COA1: variants seen among roughly 807,000 people sequenced by gnomAD.
The protein encoded by COA1 is cytochrome c oxidase assembly factor 1 homolog.
Under a neutral mutation model 16.0 loss-of-function variants are expected in COA1, and 13 were observed. The ratio of observed to expected loss-of-function variants is 0.81; its 90% CI spans 0.53 to 1.29. COA1 has a LOEUF of 1.29. COA1 is among the 50% of genes most tolerant of loss of function. The pLI is 0.00. For missense variants in COA1, 179 were observed against 177.0 expected (o/e 1.01, Z -0.06); for synonymous variants, 65 against 65.7 (o/e 0.99, Z 0.05).
Position 43,679,314 on chromosome 7 carries a change from C to CA in COA1, c.-38-30663dup, listed in dbSNP as rs796633910. Among the ~76,000 whole-genome samples, 461 of 129,458 alleles carry CA rather than the reference C, an allele frequency of 3.6e-3. 1 individual carries two copies. Among genetic ancestry groups the CA allele is most frequent in the African/African-American group, 0.012 (410 of 35,348 alleles). 84.9% of individuals were successfully genotyped at this position (129,458 alleles called of 152,430 possible). A position where few individuals can be genotyped will look rare whatever the true frequency, so the allele number is the denominator to read the frequency against. On this transcript the variant is annotated intron_variant, in intron 1 of 5. Transcript: ENST00000223336. ...CTAAATTTTATGTTATATTTTACCA[C>CA]AAAAAAAAAAGTACAAGGAGAATGA...
intron 1 of COA1, chr7:43,648,942 C>A: frequency 3.4e-6 from 1 of 292,998 alleles, no homozygotes; most frequent in Non-Finnish European, 6.5e-6. Flanking sequence ...ACAGCAAGTG[C>A]TTTGACCACA....
chr7:43,627,694 C>T lies in COA1; in HGVS notation c.*133+11755G>A, dbSNP rs1000980420. The stretch of plus-strand genomic sequence containing the variant: ...GAATTTAAAAAGCTAGATTGAACAC[C>T]TTGATCTTAACCTCGAGAGCCTTAA... On this transcript the variant is annotated intron_variant and NMD_transcript_variant, in intron 6 of 6. Coordinates refer to the COA1 transcript ENST00000415076. Among the ~76,000 whole-genome samples, 3 of 152,200 alleles carry T rather than the reference C, an allele frequency of 2.0e-5. No individual in the cohort carries two copies. The East Asian group carries it at 5.8e-4, about 29-fold the overall frequency.
intron 3 of COA1, 130 bp from the exon 4 acceptor site, chr7:43,645,529 A>T: frequency 1.3e-6 from 1 of 779,908 alleles, no homozygotes; most frequent in South Asian, 1.7e-5. Flanking sequence ...ATGGACGAAT[A>T]ATTAAGGCCA....
intron 1 of COA1, among the ~76,000 whole-genome samples, chr7:43,677,800 TAAAAAAAAAAAA>T (rs11310207): frequency 3.0e-4 from 35 of 116,784 alleles, no homozygotes; most frequent in East Asian, 5.0e-4. Context: ...GGCTCTGTCT[TAAAAAAAAAAAA>T]AAAAAAAAAA....
chr7:43,690,638 G>A (rs2094235426), intron 1 of COA1, among the ~76,000 whole-genome samples: 1 of 152,062 alleles, frequency 6.6e-6, no homozygotes, highest in Admixed American at 6.5e-5. Flanking sequence ...TGGGAGCTAA[G>A]TTATGAGGAT....
At chr7:43,641,749 C>G (rs978760978) in intron 4 of COA1, 2 of 152,204 alleles carry the variant, frequency 1.3e-5, no homozygotes, top group African/African-American at 4.8e-5. Context: ...CCAGGTGCTG[C>G]CATGCCCATG....
intron 1 of COA1, among the ~76,000 whole-genome samples, chr7:43,652,680 A>G (rs139365599): frequency 2.0e-5 from 3 of 152,252 alleles, no homozygotes; most frequent in African/African-American, 7.2e-5. Flanking sequence ...AATAGTTTTA[A>G]TCAATATATC....
chr7:43,619,629 A>G (rs2083672132), intron 6 of COA1: 1 of 1,614,034 alleles, frequency 6.2e-7, no homozygotes, highest in Admixed American at 1.7e-5. Flanking sequence ...GTGAATCTCC[A>G]TTGGGTGACA....
intron 1 of COA1, among the ~76,000 whole-genome samples, chr7:43,720,029 A>T (rs561200658): frequency 6.6e-6 from 1 of 152,360 alleles, no homozygotes; most frequent in East Asian, 1.9e-4. Flanking sequence ...CTGTAATCCC[A>T]GCACTTTGGG....
At chr7:43,703,210 A>G (rs1355939363) in intron 1 of COA1, among the ~76,000 whole-genome samples, 1 of 152,108 alleles carries the variant, frequency 6.6e-6, no homozygotes, top group Non-Finnish European at 1.5e-5. Flanking sequence ...TGTGGTTAGC[A>G]TGATTTCGGT....
At chr7:43,672,289 C>T (rs1489008908) in intron 1 of COA1, among the ~76,000 whole-genome samples, 5 of 152,146 alleles carry the variant, frequency 3.3e-5, no homozygotes, top group African/African-American at 4.8e-5. Flanking sequence ...ACTAGCGAAT[C>T]GAATCTAGCA....
intron 1 of COA1, among the ~76,000 whole-genome samples, chr7:43,666,742 T>A (rs974986019): frequency 6.6e-6 from 1 of 152,206 alleles, no homozygotes; most frequent in Non-Finnish European, 1.5e-5. Flanking sequence ...TAGAGCTGGA[T>A]GCTGAAAAGT....
intron 1 of COA1, among the ~76,000 whole-genome samples, chr7:43,717,084 T>C (rs976652381): frequency 6.6e-6 from 1 of 152,190 alleles, no homozygotes; most frequent in African/African-American, 2.4e-5. Flanking sequence ...GGAGAACCTC[T>C]GCTAGGGCAG....
At chr7:43,696,591 C>G (rs1332051880) in intron 1 of COA1, among the ~76,000 whole-genome samples, 2 of 151,922 alleles carry the variant, frequency 1.3e-5, no homozygotes, top group African/African-American at 4.8e-5. Context: ...AATCACAAGG[C>G]TGAACTAATA....
chr7:43,668,521 TTG>T (rs1269696766), intron 1 of COA1, among the ~76,000 whole-genome samples: 5 of 152,198 alleles, frequency 3.3e-5, no homozygotes, highest in African/African-American at 1.2e-4. Context: ...GAGAGAGAAA[TTG>T]TGCTCCAAAG....
At chr7:43,715,643 T>C (rs1018175354) in intron 1 of COA1, among the ~76,000 whole-genome samples, 2 of 152,230 alleles carry the variant, frequency 1.3e-5, no homozygotes, top group African/African-American at 2.4e-5. Flanking sequence ...AAAAACACTA[T>C]ATCTTTTTCT....
At chr7:43,627,888 C>T (rs566491138) in intron 6 of COA1, among the ~76,000 whole-genome samples, 40 of 152,320 alleles carry the variant, frequency 2.6e-4, no homozygotes, top group Non-Finnish European at 4.6e-4. Context: ...TGGAATCATA[C>T]AGCATGCACC....
intron 1 of COA1, among the ~76,000 whole-genome samples, chr7:43,690,477 A>G (rs1430135447): frequency 6.6e-6 from 1 of 152,180 alleles, no homozygotes; most frequent in East Asian, 1.9e-4. Flanking sequence ...GTATATACAC[A>G]CATACATATA....
intron 2 of COA1, chr7:43,648,395 C>A: frequency 1.5e-6 from 1 of 673,960 alleles, no homozygotes; most frequent in Non-Finnish European, 2.7e-6. Context: ...TTACAGCTTC[C>A]AACGCCAGCA....
Sources: gnomAD v4.1 joint callset for allele counts (sites outside exome capture counted in the v4.1 genomes callset) on GRCh38, gnomAD v4.1.1 for gene constraint, MANE v1.5 for transcripts, NCBI Gene and HGNC (gene_info 2026-07-23, HGNC 2026-07-21) for gene names.